CELF4: variants seen among roughly 807,000 people sequenced by gnomAD.
The protein encoded by CELF4 is CUG-BP- and ETR-3-like factor 4.
Under a neutral mutation model 59.9 loss-of-function variants are expected in CELF4, and 18 were observed. The observed-to-expected ratio is 0.30, with a 90% CI of 0.21 to 0.45. The LOEUF is 0.45. Among genes scored for constraint, CELF4 ranks in the 20% least tolerant of loss-of-function variants. The probability of loss-of-function intolerance (pLI) is 1.00; values close to 1 mark genes in which losing one functional copy is unlikely to be tolerated. For missense variants in CELF4, 456 were observed against 689.0 expected, an observed-to-expected ratio of 0.66 and a Z score of 3.79; for synonymous variants, 261 against 267.1, an observed-to-expected ratio of 0.98 and a Z score of 0.22.
chr18:37,265,132 G>A (rs181838976), intron 9 of CELF4, among the ~76,000 whole-genome samples: 2 of 151,434 alleles, frequency 1.3e-5, no homozygotes, highest in African/African-American at 2.4e-5. Flanking sequence ...TACATTACAT[G>A]CATACATGCA....
At chr18:37,401,711 A>C (rs2099328299) in intron 2 of CELF4, among the ~76,000 whole-genome samples, 1 of 152,218 alleles carries the variant, frequency 6.6e-6, no homozygotes, top group Non-Finnish European at 1.5e-5. Context: ...ATGAGCCAGA[A>C]ATCCTTCAGC....
At chr18:37,264,975 T>C (rs1474513935) in intron 9 of CELF4, among the ~76,000 whole-genome samples, 1 of 151,378 alleles carries the variant, frequency 6.6e-6, no homozygotes, top group Non-Finnish European at 1.5e-5. Flanking sequence ...TACGTGTGTG[T>C]GTGCGTGTGT....
chr18:37,279,747 C>T (rs1187738633), intron 3 of CELF4, among the ~76,000 whole-genome samples: 5 of 152,210 alleles, frequency 3.3e-5, no homozygotes, highest in African/African-American at 4.8e-5. Flanking sequence ...GTCCCTGCAC[C>T]TGGAAGAACA....
At chr18:37,407,565 A>G (rs530876448) in intron 2 of CELF4, among the ~76,000 whole-genome samples, 43 of 150,126 alleles carry the variant, frequency 2.9e-4, no homozygotes, top group African/African-American at 7.3e-4. Flanking sequence ...ATGTGTATAT[A>G]TATGTGTGTG....
chr18:37,489,223 A>G (rs1417557926), intron 1 of CELF4, among the ~76,000 whole-genome samples: 1 of 152,256 alleles, frequency 6.6e-6, no homozygotes, highest in African/African-American at 2.4e-5. Context: ...TGGCTATCTT[A>G]AGGCTCTTTG....
At chr18:37,377,293 C>G (rs11663627) in intron 2 of CELF4, among the ~76,000 whole-genome samples, 17,247 of 152,078 alleles carry the variant, frequency 0.11, 1,452 homozygotes, top group East Asian at 0.33. Flanking sequence ...TCTGCAGGAC[C>G]CTGAGGTCTA....
chr18:37,456,721 C>G (rs773119251), intron 2 of CELF4, among the ~76,000 whole-genome samples: 18 of 152,164 alleles, frequency 1.2e-4, no homozygotes, highest in Non-Finnish European at 1.8e-4. Context: ...CAGAGCCAGG[C>G]CTGTACCCTC....
intron 1 of CELF4, among the ~76,000 whole-genome samples, chr18:37,507,461 C>A (rs1051022080): frequency 2.0e-5 from 3 of 152,232 alleles, no homozygotes; most frequent in Non-Finnish European, 4.4e-5. Flanking sequence ...CTGTTTCAGG[C>A]CAGCACAGTG....
At chr18:37,351,200 A>G (rs183996302) in intron 2 of CELF4, among the ~76,000 whole-genome samples, 2 of 152,304 alleles carry the variant, frequency 1.3e-5, no homozygotes, top group African/African-American at 4.8e-5. Flanking sequence ...AGTCTAGTTT[A>G]AGTGGCCCAA....
chr18:37,292,457 G>A (rs2095400960), intron 3 of CELF4, among the ~76,000 whole-genome samples: 1 of 152,164 alleles, frequency 6.6e-6, no homozygotes, highest in African/African-American at 2.4e-5. Context: ...CCACAGAAGT[G>A]CCCACTCATT....
chr18:37,428,063 C>T (rs1162748149), intron 2 of CELF4, among the ~76,000 whole-genome samples: 2 of 152,240 alleles, frequency 1.3e-5, no homozygotes, highest in African/African-American at 4.8e-5. Context: ...TGTCCATGTT[C>T]TGGGAGCAGC....
chr18:37,557,081 A>G (rs7505639), intron 1 of CELF4, among the ~76,000 whole-genome samples: 150,277 of 152,312 alleles, frequency 0.99, 74,167 homozygotes, highest in Middle Eastern at 1. Flanking sequence ...CTTCAGCTGC[A>G]AGCATTTCTC....
Position 37,331,042 on chromosome 18 carries a change from C to T in CELF4, c.370-9161G>A, listed in dbSNP as rs547454116. On this transcript the variant is annotated intron_variant, in intron 2 of 12. Coordinates refer to ENST00000420428, the MANE Select transcript of CELF4 (RefSeq NM_020180.4). ...TTAATAAATTTGGTCTCTGCTCCCACTCCCCACTCTGAGGAGGCCATCTGA... is the reference window on the plus strand; with the variant it reads ...TTAATAAATTTGGTCTCTGCTCCCATTCCCCACTCTGAGGAGGCCATCTGA... Among the ~76,000 whole-genome samples, 130 of 152,292 alleles carry T rather than the reference C, an allele frequency of 8.5e-4. 1 individual carries two copies. The highest frequency in any genetic ancestry group is 3.4e-3 in the Middle Eastern group (1 of 294).
At chr18:37,531,718 G>A (rs1442297184) in intron 1 of CELF4, among the ~76,000 whole-genome samples, 2 of 152,164 alleles carry the variant, frequency 1.3e-5, no homozygotes, top group Non-Finnish European at 2.9e-5. Context: ...AAGTGGCACC[G>A]TCCTGTGCTA....
intron 2 of CELF4, among the ~76,000 whole-genome samples, chr18:37,404,871 T>C (rs1313037701): frequency 1.3e-5 from 2 of 152,262 alleles, no homozygotes; most frequent in East Asian, 3.8e-4. Flanking sequence ...GGTTAAGCAC[T>C]GCCCATCCCT....
intron 3 of CELF4, among the ~76,000 whole-genome samples, chr18:37,277,405 A>C (rs1220485136): frequency 2.0e-5 from 3 of 152,192 alleles, no homozygotes; most frequent in South Asian, 4.1e-4. Context: ...CCCCATCTCC[A>C]GGGTTCTGCG....
At chr18:37,534,171 C>T (rs1322357471) in intron 1 of CELF4, among the ~76,000 whole-genome samples, 1 of 152,168 alleles carries the variant, frequency 6.6e-6, no homozygotes, top group African/African-American at 2.4e-5. Flanking sequence ...TGGATAGAAA[C>T]CTCAGAGATG....
intron 2 of CELF4, among the ~76,000 whole-genome samples, chr18:37,412,622 G>A (rs899941774): frequency 2.0e-5 from 3 of 152,070 alleles, no homozygotes; most frequent in Non-Finnish European, 2.9e-5. Flanking sequence ...GTGGGTGGGT[G>A]GATGGATGGG....
chr18:37,373,131 A>C (rs990820197), intron 2 of CELF4, among the ~76,000 whole-genome samples: 1 of 152,194 alleles, frequency 6.6e-6, no homozygotes. Context: ...GCTGGAGTGG[A>C]CGCCGCCCTG....
Sources: gnomAD v4.1 joint callset for allele counts (sites outside exome capture counted in the v4.1 genomes callset) on GRCh38, gnomAD v4.1.1 for gene constraint, MANE v1.5 for transcripts, NCBI Gene and HGNC (gene_info 2026-07-23, HGNC 2026-07-21) for gene names.